CCSER1: variants seen among roughly 807,000 people sequenced by gnomAD.
The protein encoded by CCSER1 is coiled-coil serine rich protein 1, also known as serine-rich coiled-coil domain-containing protein 1.
CCSER1 carries 41 observed loss-of-function variants against 82.0 expected under a neutral mutation model. The ratio of observed to expected loss-of-function variants is 0.50; its 90% confidence interval spans 0.39 to 0.65. The LOEUF (loss-of-function observed/expected upper bound fraction) is 0.65. CCSER1 is among the 30% of genes least tolerant of loss of function. The pLI, the probability that CCSER1 is intolerant of heterozygous loss-of-function variation, is 0.00. For synonymous variants in CCSER1, 414 were observed against 383.9 expected, an observed-to-expected ratio of 1.08 and a Z score of -0.92; for missense variants, 1,119 against 1,064.2, an observed-to-expected ratio of 1.05 and a Z score of -0.72.
chr4:90,357,041 G>T (rs1744480329), intron 3 of CCSER1, among the ~76,000 whole-genome samples: 2 of 151,838 alleles, frequency 1.3e-5, no homozygotes, highest in Admixed American at 1.3e-4. Context: ...GGTAAAAATG[G>T]TGGTGCCTGC....
intron 9 of CCSER1, among the ~76,000 whole-genome samples, chr4:91,068,412 C>T (rs937233303): frequency 7.2e-5 from 11 of 152,118 alleles, no homozygotes; most frequent in Admixed American, 2.0e-4. Context: ...TGAGACTGCA[C>T]ATTTATTTTT....
chr4:90,734,763 G>A (rs1745376335), intron 7 of CCSER1, among the ~76,000 whole-genome samples: 1 of 152,234 alleles, frequency 6.6e-6, no homozygotes, highest in Admixed American at 6.5e-5. Flanking sequence ...CATATGACCT[G>A]CAAACAAGTA....
At chr4:91,016,187 G>A (rs1336794459) in intron 9 of CCSER1, among the ~76,000 whole-genome samples, 1 of 151,928 alleles carries the variant, frequency 6.6e-6, no homozygotes, top group East Asian at 1.9e-4. Flanking sequence ...ATGTTGAATA[G>A]CTCTAAGTTT....
At chr4:90,682,690 GT>G (rs1477938183) in intron 6 of CCSER1, among the ~76,000 whole-genome samples, 2 of 151,978 alleles carry the variant, frequency 1.3e-5, no homozygotes, top group East Asian at 1.9e-4. Flanking sequence ...AGTGCTTCTT[GT>G]TGTGCACTAA....
intron 5 of CCSER1, among the ~76,000 whole-genome samples, chr4:90,538,699 T>C (rs1775731469): frequency 6.6e-6 from 1 of 152,096 alleles, no homozygotes; most frequent in Admixed American, 6.6e-5. Flanking sequence ...AATCCATTGA[T>C]GGATTATTTG....
At chr4:90,935,607 G>A (rs1378139990) in intron 9 of CCSER1, among the ~76,000 whole-genome samples, 1 of 152,126 alleles carries the variant, frequency 6.6e-6, no homozygotes, top group Non-Finnish European at 1.5e-5. Context: ...TCTCAATAAA[G>A]GGAATGGTTT....
chr4:91,019,552 A>G (rs1271507224), intron 9 of CCSER1, among the ~76,000 whole-genome samples: 2 of 152,168 alleles, frequency 1.3e-5, no homozygotes. Flanking sequence ...TTTATAAGAC[A>G]AATAAGGTAA....
At chr4:91,200,362 C>T (rs189878774) in intron 10 of CCSER1, among the ~76,000 whole-genome samples, 30 of 152,154 alleles carry the variant, frequency 2.0e-4, no homozygotes, top group African/African-American at 6.7e-4. Context: ...TCTACAGAAA[C>T]AATTCAGAAG....
chr4:90,464,757 T>C (rs1763392013), intron 4 of CCSER1, among the ~76,000 whole-genome samples: 1 of 152,260 alleles, frequency 6.6e-6, no homozygotes, highest in South Asian at 2.1e-4. Context: ...TATTTGAATA[T>C]GGAATGGCTT....
intron 10 of CCSER1, among the ~76,000 whole-genome samples, chr4:91,155,572 G>T (rs1730731120): frequency 6.6e-6 from 1 of 151,890 alleles, no homozygotes; most frequent in African/African-American, 2.4e-5. Context: ...CAAGTAGAGA[G>T]GGTCAACTTT....
chr4:90,647,827 G>A (rs993460752), intron 6 of CCSER1, among the ~76,000 whole-genome samples: 2 of 152,034 alleles, frequency 1.3e-5, no homozygotes, highest in Non-Finnish European at 2.9e-5. Context: ...TTTCAAGATA[G>A]TAAGAAATCC....
At chr4:91,079,474 C>G (rs1722437592) in intron 9 of CCSER1, among the ~76,000 whole-genome samples, 1 of 151,796 alleles carries the variant, frequency 6.6e-6, no homozygotes, top group African/African-American at 2.4e-5. Flanking sequence ...AAAAACATGC[C>G]AAATAAGGCC....
At chr4:90,565,549 A>G (rs1281173469) in intron 5 of CCSER1, among the ~76,000 whole-genome samples, 2 of 152,114 alleles carry the variant, frequency 1.3e-5, no homozygotes, top group Non-Finnish European at 2.9e-5. Context: ...CCAGTACTAT[A>G]TTGAATGGAA....
At chr4:91,043,404 G>A (rs573298520) in intron 9 of CCSER1, among the ~76,000 whole-genome samples, 2 of 151,860 alleles carry the variant, frequency 1.3e-5, no homozygotes, top group African/African-American at 4.8e-5. Context: ...AATCCAGCAG[G>A]GTCCATTTCT....
chr4:90,354,981 A>G (rs1212623217), intron 3 of CCSER1, among the ~76,000 whole-genome samples: 2 of 151,982 alleles, frequency 1.3e-5, no homozygotes, highest in African/African-American at 2.4e-5. Context: ...TCAGTGCCAT[A>G]TTACTCTCCT....
intron 9 of CCSER1, among the ~76,000 whole-genome samples, chr4:91,023,008 A>G (rs1740147885): frequency 6.6e-6 from 1 of 152,056 alleles, no homozygotes; most frequent in South Asian, 2.1e-4. Flanking sequence ...GAAGCTCTTT[A>G]GTTTAATTAG....
chr4:91,415,220 T>C (rs1199783745), intron 10 of CCSER1, among the ~76,000 whole-genome samples: 1 of 152,104 alleles, frequency 6.6e-6, no homozygotes, highest in East Asian at 1.9e-4. Context: ...TGCCTCTTGT[T>C]GATGTGTATG....
chr4:91,222,655 G>A (rs1737846056), intron 10 of CCSER1, among the ~76,000 whole-genome samples: 1 of 152,066 alleles, frequency 6.6e-6, no homozygotes, highest in Admixed American at 6.6e-5. Flanking sequence ...AGTAATAGGT[G>A]TTAGGGGAAA....
intron 5 of CCSER1, among the ~76,000 whole-genome samples, chr4:90,568,929 G>A (rs1167266967): frequency 3.3e-5 from 5 of 151,486 alleles, no homozygotes; most frequent in Non-Finnish European, 7.4e-5. Context: ...CACCACGCTC[G>A]GCTAATTTTT....
Sources: gnomAD v4.1 joint callset for allele counts (sites outside exome capture counted in the v4.1 genomes callset) on GRCh38, gnomAD v4.1.1 for gene constraint, MANE v1.5 for transcripts, NCBI Gene and HGNC (gene_info 2026-07-23, HGNC 2026-07-21) for gene names.